DLG4: variants seen among roughly 807,000 people sequenced by gnomAD.
DLG4 encodes the protein discs large MAGUK scaffold protein 4.
A neutral mutation model predicts 93.8 loss-of-function variants in DLG4; 7 were observed. The observed-to-expected ratio is 0.07, with a 90% CI of 0.04 to 0.14. The LOEUF is 0.14. Ranked by LOEUF, DLG4 falls within the 10% of genes least tolerant of loss-of-function variation. The probability of loss-of-function intolerance (pLI) is 1.00; values close to 1 mark genes in which losing one functional copy is unlikely to be tolerated. For missense variants in DLG4, 545 were observed against 992.9 expected, an observed-to-expected ratio of 0.55 and a Z score of 6.06; for synonymous variants, 341 against 387.6, an observed-to-expected ratio of 0.88 and a Z score of 1.41.
Position 7,189,350 on chromosome 17 carries a change from A to T in DLG4, c.*1358T>A, listed in dbSNP as rs575003765. Among the ~76,000 whole-genome samples, 1 of 150,542 alleles carries T rather than the reference A, an allele frequency of 6.6e-6. No individual in the cohort carries two copies. The highest frequency in any genetic ancestry group is 1.5e-5 in the Non-Finnish European group (1 of 67,554). On this transcript the variant is annotated 3_prime_UTR_variant, in exon 20 of 20. Transcript: ENST00000399506. ...ACTAAAAATACAAAATTAGCCAGGC[A>T]TGGTGGCAGTAATCTGTAATCCCAG...
rs2586535 is a variant in DLG4, at chr17:7,194,882, G to A, written c.1302-387C>T. On this transcript the variant is annotated intron_variant, in intron 11 of 19. Transcript: ENST00000399506. The surrounding 1 kb of genome is among the most constrained non-coding windows in gnomAD (Gnocchi z 4.4). ...AAAATACAAAATATTAGCCGGGCAC[G>A]GTGGCGGGTGCCTGTATTCCCAGCT... Among the ~76,000 whole-genome samples, 3 of 152,016 alleles carry A rather than the reference G, an allele frequency of 2.0e-5. No individual in the cohort carries two copies. Among genetic ancestry groups the A allele is most frequent in the African/African-American group, 4.8e-5 (2 of 41,384 alleles).
chr17:7,218,744 C>T (rs556759041), upstream of DLG4: 21 of 1,584,818 alleles, frequency 1.3e-5, no homozygotes, highest in East Asian at 2.2e-5. Context: ...CCAGCCCCTA[C>T]GGAAAGATTT....
In DLG4 at chr17:7,191,494, C is replaced by T; in HGVS notation, c.1977-136G>A. 2 of 759,804 alleles carry T rather than the reference C, an allele frequency of 2.6e-6. No homozygotes were observed. Among genetic ancestry groups the T allele is most frequent in the Non-Finnish European group, 4.4e-6 (2 of 459,580 alleles). 47.1% of individuals were successfully genotyped at this position (759,804 alleles called of 1,614,324 possible). On this transcript the variant is annotated intron_variant, in intron 18 of 19. Transcript: ENST00000399506. The surrounding 1 kb of genome is among the most constrained non-coding windows in gnomAD (Gnocchi z 6.6). ...AAAAAAATACAATTCCCAATATCCT[C>T]TGGGGCCACAGATGAGAACCACCCC...
In DLG4 at chr17:7,194,395, C is replaced by T. The variant is rs2142831055; in HGVS notation, c.1402G>A (p.Glu468Lys). The part of the protein sequence containing the change: ...DVLHVIDASD[E>K]EWWQARRVHS... ...ACCCGCCGTGCCTGCCACCACTCCT[C>T]ATCACTAGCATCGATGACATGCAGC... Residue 468 changes from glutamate (E) to lysine (K), a missense_variant, in exon 12 of 20, where the codon GAG becomes AAG. This residue lies in a region of DLG4 where 428 missense variants were observed against 741.4 expected (regional missense o/e 0.58). Coordinates refer to ENST00000399506, the MANE Select transcript of DLG4 (RefSeq NM_001321075.3). This position sits in a 1 kb window ranked among gnomAD's most constrained non-coding sequence, Gnocchi z 4.4. The T allele has an allele frequency of 6.2e-7, 1 of 1,613,104 alleles. No individual in the cohort carries two copies. Among genetic ancestry groups the T allele is most frequent in the Non-Finnish European group, 8.5e-7 (1 of 1,179,576 alleles).
upstream of DLG4, chr17:7,219,922 G>A (rs550196368): frequency 1.4e-6 from 2 of 1,457,292 alleles, no homozygotes; most frequent in East Asian, 5.0e-5. Context: ...GCCAGGACGT[G>A]GGCGTGCAGG....
intron 8 of DLG4, among the ~76,000 whole-genome samples, chr17:7,197,853 CCCTGTATCT>C (rs1323344001): frequency 1.3e-5 from 2 of 152,158 alleles, no homozygotes; most frequent in Non-Finnish European, 2.9e-5. Flanking sequence ...ATGCCTCTGC[CCCTGTATCT>C]CCTGTAAACT....
At chr17:7,192,078 G>A (rs1318041268) in intron 17 of DLG4, 76 bp from the exon 18 acceptor site, 11 of 805,746 alleles carry the variant, frequency 1.4e-5, no homozygotes, top group Non-Finnish European at 1.8e-5. Context: ...GGAGGGACAC[G>A]GACGGGGAGA....
At position 7,196,850 on chromosome 17, in the gene DLG4, G is replaced by T. The variant is rs769940216; in HGVS notation, c.990C>A (p.Gly330=). 5.6e-6 allele frequency: 9 copies of T among 1,613,690 alleles called. No individual in the cohort carries two copies. Among genetic ancestry groups the T allele is most frequent in the Non-Finnish European group, 7.6e-6 (9 of 1,179,782 alleles). ...AGATGAAGATGCCTTCACCGTCCTC[G>T]CCACCCACGATGTTGAAGCCCAGGC... The part of the protein sequence containing the change: ...STGLGFNIVG[G]EDGEGIFISF... Residue 330 remains glycine (G), a synonymous_variant, in exon 9 of 20, where the codon GGC becomes GGA. Coordinates refer to ENST00000399506, the MANE Select transcript of DLG4 (RefSeq NM_001321075.3). This position sits in a 1 kb window ranked among gnomAD's most constrained non-coding sequence, Gnocchi z 8.3.
rs1219040544 is a variant in DLG4, at chr17:7,191,099, AGCTGGGATTACAGGTGCCCGCCAGT to A, written c.2068+143_2068+167del. ...ATTCTCCTGCCTCGGCCTACCGAGT[AGCTGGGATTACAGGTGCCCGCCAGT>A]GCTGGGATTACAGGCGTGAGCCACC... On this transcript the variant is annotated intron_variant, in intron 19 of 19. Coordinates refer to ENST00000399506, the MANE Select transcript of DLG4 (RefSeq NM_001321075.3). The surrounding 1 kb of genome is among the most constrained non-coding windows in gnomAD (Gnocchi z 6.6). Among the ~76,000 whole-genome samples the A allele has an allele frequency of 7.3e-5, 11 of 150,002 alleles. No individual in the cohort carries two copies. The highest frequency in any genetic ancestry group is 2.7e-4 in the African/African-American group (11 of 40,656).
chr17:7,202,252 C>T (rs1411820995), intron 8 of DLG4, among the ~76,000 whole-genome samples: 1 of 152,082 alleles, frequency 6.6e-6, no homozygotes, highest in Non-Finnish European at 1.5e-5. Context: ...TTTTTAGAGA[C>T]AGGATCTCGC....
Position 7,194,553 on chromosome 17 carries a change from C to T in DLG4, c.1302-58G>A, listed in dbSNP as rs2069670554. The T allele has an allele frequency of 6.5e-7, 1 of 1,542,452 alleles. No individual in the cohort carries two copies. Among genetic ancestry groups the T allele is most frequent in the Non-Finnish European group, 8.8e-7 (1 of 1,141,888 alleles). ...GCTGAGGACTCCAGGAAGGATGCCC[C>T]AGTCACCCAAAGACCCGGCCCAGAG... On this transcript the variant is annotated intron_variant, in intron 11 of 19. Transcript: ENST00000399506. This position sits in a 1 kb window ranked among gnomAD's most constrained non-coding sequence, Gnocchi z 4.4.
chr17:7,200,842 C>G (rs970274883), intron 8 of DLG4, among the ~76,000 whole-genome samples: 2 of 146,556 alleles, frequency 1.4e-5, no homozygotes, highest in Non-Finnish European at 3.0e-5. Context: ...CACCGGCGCG[C>G]CCAGCCTGTT....
Position 7,208,167 on chromosome 17 carries a change from C to T in DLG4, c.96+7G>A. 1 of 1,316,716 alleles carries T rather than the reference C, an allele frequency of 7.6e-7. No individual in the cohort carries two copies. The highest frequency in any genetic ancestry group is 2.8e-5 in the East Asian group (1 of 35,676). 81.6% of individuals were successfully genotyped at this position (1,316,716 alleles called of 1,614,324 possible). On this transcript the variant is annotated splice_region_variant and intron_variant, in intron 2 of 19. Transcript: ENST00000399506. This position sits in a 1 kb window ranked among gnomAD's most constrained non-coding sequence, Gnocchi z 5.4. ...TCCGCCACGTGCACCAGCTCGGGGGCGTTTACCTGGTTGGGGAGGTGGGCC... is the reference window on the plus strand; with the variant it reads ...TCCGCCACGTGCACCAGCTCGGGGGTGTTTACCTGGTTGGGGAGGTGGGCC...
intron 17 of DLG4, among the ~76,000 whole-genome samples, chr17:7,192,711 G>C (rs1203351277): frequency 5.3e-5 from 8 of 151,758 alleles, no homozygotes; most frequent in Non-Finnish European, 1.2e-4. Flanking sequence ...GAGAGAAAGA[G>C]GCCAGATGGT....
In DLG4 at chr17:7,190,335, G is replaced by C. The variant is rs2069421540; in HGVS notation, c.*373C>G. On this transcript the variant is annotated 3_prime_UTR_variant, in exon 20 of 20. Transcript: ENST00000399506. ...CCTGTGGCCCTGCATCCCTGCAGCG[G>C]GTGCTCCTCGAGGGGGCCCTGACTT... The C allele has an allele frequency of 7.1e-6, 2 of 283,530 alleles. No homozygotes were observed. The highest frequency in any genetic ancestry group is 6.9e-6 in the Non-Finnish European group (1 of 145,074). The allele number at this position is 283,530 out of a possible 1,614,324, so 17.6% of individuals were successfully genotyped here.
At chr17:7,217,875 G>A (rs1039183705), upstream of DLG4, 16 of 1,495,064 alleles carry the variant, frequency 1.1e-5, no homozygotes, top group East Asian at 2.5e-5. Context: ...GAGCACCCAC[G>A]GTTATTTGAA....
chr17:7,211,701 G>A (rs2070713116), intron 1 of DLG4: 1 of 969,748 alleles, frequency 1.0e-6, no homozygotes, highest in Admixed American at 6.4e-5. Flanking sequence ...AGCCGACATG[G>A]AGAAGGGGAG....
upstream of DLG4, chr17:7,217,918 G>A (rs1460772586): frequency 8.4e-7 from 1 of 1,194,344 alleles, no homozygotes; most frequent in Non-Finnish European, 1.2e-6. Context: ...AGGCGGTAGG[G>A]GGTCGGGTGT....
intron 1 of DLG4, among the ~76,000 whole-genome samples, chr17:7,209,152 T>C (rs957462369): frequency 2.0e-5 from 3 of 152,156 alleles, no homozygotes; most frequent in Non-Finnish European, 1.5e-5. Context: ...CCCTCTGCTC[T>C]TTTGGGGTGA....
Sources: allele counts gnomAD v4.1 joint callset (sites outside exome capture counted in the v4.1 genomes callset), GRCh38; gene constraint gnomAD v4.1.1; regional missense constraint gnomAD v4.1.1; non-coding constraint Gnocchi (gnomAD v3.1); transcripts MANE v1.5; gene names NCBI Gene and HGNC (gene_info 2026-07-23, HGNC 2026-07-21).